MKNK1: variants seen among roughly 807,000 people sequenced by gnomAD.
MKNK1 encodes the protein MAP kinase-interacting serine/threonine-protein kinase 1.
Under a neutral mutation model 49.3 loss-of-function variants are expected in MKNK1, and 30 were observed. That is an observed-to-expected ratio of 0.61 (90% CI 0.46 to 0.83). The LOEUF (loss-of-function observed/expected upper bound fraction) is 0.83. Among genes scored for constraint, MKNK1 ranks in the 40% least tolerant of loss-of-function variants. The probability of loss-of-function intolerance (pLI) is 0.00; values close to 1 mark genes in which losing one functional copy is unlikely to be tolerated. For synonymous variants in MKNK1, 176 were observed against 201.7 expected, an observed-to-expected ratio of 0.87 and a Z score of 1.08; for missense variants, 423 against 524.7, an observed-to-expected ratio of 0.81 and a Z score of 1.89.
At chr1:46,582,262 A>T (rs1671859239) in intron 3 of MKNK1, among the ~76,000 whole-genome samples, 1 of 152,176 alleles carries the variant, frequency 6.6e-6, no homozygotes, top group Non-Finnish European at 1.5e-5. Flanking sequence ...ACCCCTGCTG[A>T]AAGTACCTTC....
intron 2 of MKNK1, chr1:46,585,845 G>A: frequency 8.6e-7 from 1 of 1,166,322 alleles, no homozygotes; most frequent in Non-Finnish European, 1.2e-6. Flanking sequence ...TAGATTTTAT[G>A]GCTTCACACA....
intron 2 of MKNK1, chr1:46,584,453 C>T (rs757865253): frequency 7.9e-5 from 12 of 151,974 alleles, no homozygotes; most frequent in Non-Finnish European, 1.3e-4. Flanking sequence ...GACTTTTAGA[C>T]CAACCTTCAA....
chr1:46,590,685 A>G (rs970530996), intron 2 of MKNK1, among the ~76,000 whole-genome samples: 1 of 152,222 alleles, frequency 6.6e-6, no homozygotes, highest in Non-Finnish European at 1.5e-5. Flanking sequence ...CCAGGCACCA[A>G]TGAGAATGCT....
At chr1:46,568,292 C>G in intron 8 of MKNK1, 151 bp downstream of exon 8, 1 of 687,162 alleles carries the variant, frequency 1.5e-6, no homozygotes, top group Admixed American at 2.7e-5. Flanking sequence ...GCAGAAACAT[C>G]ACACAGTAAG....
At chr1:46,562,540 A>G in intron 10 of MKNK1, 109 bp downstream of exon 10, 2 of 1,232,028 alleles carry the variant, frequency 1.6e-6, no homozygotes, top group Non-Finnish European at 1.1e-6. Flanking sequence ...GGGCACTATG[A>G]GCCCCCATCC....
chr1:46,594,013 G>C, intron 2 of MKNK1, 100 bp downstream of exon 2: 1 of 921,642 alleles, frequency 1.1e-6, no homozygotes, highest in Non-Finnish European at 1.7e-6. Context: ...ACTAAGTGCT[G>C]AAAACCACGG....
chr1:46,603,635 G>A (rs907962622), intron 1 of MKNK1, among the ~76,000 whole-genome samples: 2 of 152,148 alleles, frequency 1.3e-5, no homozygotes, highest in Non-Finnish European at 2.9e-5. Flanking sequence ...CCCTGAAGTT[G>A]AGCACTTCTA....
At chr1:46,581,921 C>T (rs1197583812) in intron 3 of MKNK1, among the ~76,000 whole-genome samples, 1 of 152,142 alleles carries the variant, frequency 6.6e-6, no homozygotes, top group Non-Finnish European at 1.5e-5. Flanking sequence ...ACAGCACTAG[C>T]TGCCTGACCT....
At chr1:46,576,433 TGAAAGGGGCGGAAGGAG>T in intron 5 of MKNK1, 125 bp downstream of exon 5, 1 of 664,894 alleles carries the variant, frequency 1.5e-6, no homozygotes, top group South Asian at 1.7e-5. Context: ...TCCCTAACAC[TGAAAGGGGCGGAAGGAG>T]GTACCTGCCT....
At chr1:46,591,476 G>A (rs1362370023) in intron 2 of MKNK1, among the ~76,000 whole-genome samples, 1 of 152,184 alleles carries the variant, frequency 6.6e-6, no homozygotes, top group Non-Finnish European at 1.5e-5. Flanking sequence ...CTTCAGAGCT[G>A]TCACTGCATC....
intron 2 of MKNK1, among the ~76,000 whole-genome samples, chr1:46,586,631 C>T (rs750797813): frequency 1.3e-5 from 2 of 151,244 alleles, no homozygotes; most frequent in African/African-American, 2.4e-5. Flanking sequence ...TGGGGTATGT[C>T]ACACTGGCCT....
chr1:46,562,779 T>C lies in MKNK1; in HGVS notation c.674A>G (p.Tyr225Cys), dbSNP rs1417769153. 1.2e-6 allele frequency: 2 copies of C among 1,612,372 alleles called. No homozygotes were observed. Among genetic ancestry groups the C allele is most frequent in the Non-Finnish European group, 1.7e-6 (2 of 1,179,240 alleles). ...GCTCCACAGGTCACAGCGCTTGTCG[T>C]AGAATGTGGCCTGGTCCGTGAAGAC... ...VEVFTDQATF[Y>C]DKRCDLWSLG... The change falls in exon 10 of 13, where the codon TAC (tyrosine) becomes TGC (cysteine). Residue 225 changes from tyrosine (Y) to cysteine (C), a missense_variant. Tyr to Cys is a radical substitution (Grantham distance 194, BLOSUM62 -2). Transcript: ENST00000371945.
chr1:46,595,844 C>T (rs996150206), intron 1 of MKNK1, among the ~76,000 whole-genome samples: 6 of 152,194 alleles, frequency 3.9e-5, no homozygotes, highest in Admixed American at 3.9e-4. Context: ...CTCCACCTGC[C>T]AGGCTCAAGT....
chr1:46,590,815 C>T (rs181842487), intron 2 of MKNK1, among the ~76,000 whole-genome samples: 7 of 152,358 alleles, frequency 4.6e-5, no homozygotes, highest in Admixed American at 3.3e-4. Context: ...GTATCATTTT[C>T]AGCGTGTGCT....
chr1:46,594,380 T>C (rs532185615), intron 1 of MKNK1, 100 bp from the exon 2 acceptor site: 7 of 574,306 alleles, frequency 1.2e-5, no homozygotes, highest in African/African-American at 7.5e-5. Flanking sequence ...ACCTATGAGT[T>C]ACCCCACTAA....
At chr1:46,563,973 A>G (rs1165697397) in intron 9 of MKNK1, among the ~76,000 whole-genome samples, 1 of 142,034 alleles carries the variant, frequency 7.0e-6, no homozygotes, top group Non-Finnish European at 1.5e-5. Flanking sequence ...TGAACCCAGG[A>G]GGCAGAGCTT....
Position 46,560,501 on chromosome 1 carries a change from C to T in MKNK1, c.970-224G>A, listed in dbSNP as rs182002495. On this transcript the variant is annotated intron_variant, in intron 11 of 12. Coordinates refer to ENST00000371945, the MANE Select transcript of MKNK1 (RefSeq NM_001135553.4). ...GCTTCTGCATGGAGAGCCCCTCTTT[C>T]CCTTTGCCTGGCAAAGTCCTAATCA... is the stretch of plus-strand genomic sequence containing the variant. Among the ~76,000 whole-genome samples, 278 of 152,320 alleles carry T rather than the reference C, an allele frequency of 1.8e-3. 6 individuals are homozygous for T. The highest frequency in any genetic ancestry group is 0.017 in the Admixed American group (261 of 15,306).
In MKNK1 at chr1:46,561,620, T is replaced by C. The variant is rs1359265209; in HGVS notation, c.827A>G (p.Gln276Arg). ...GTCAGGAAACTCATACTTGCCTTCC[T>C]GGATGCTTTCAAACAGCTTGTTCTA... ...VCQNKLFESI[Q>R]EGKYEFPDKD... is the part of the protein sequence containing the mutation. The change falls in exon 11 of 13, where the codon CAG (glutamine) becomes CGG (arginine). Residue 276 changes from glutamine (Q) to arginine (R), a missense_variant. Gln to Arg is a conservative substitution (Grantham distance 43). Transcript: ENST00000371945. 6.2e-7 allele frequency: 1 copy of C among 1,614,058 alleles called. No individual in the cohort carries two copies. The highest frequency in any genetic ancestry group is 8.5e-7 in the Non-Finnish European group (1 of 1,180,014).
chr1:46,593,990 TC>T (rs1673714852), intron 2 of MKNK1, 122 bp downstream of exon 2: 2 of 709,698 alleles, frequency 2.8e-6, no homozygotes, highest in African/African-American at 3.5e-5. Flanking sequence ...GCTCCGCTAT[TC>T]CTAGCTAACT....
Sources: allele counts gnomAD v4.1 joint callset (sites outside exome capture counted in the v4.1 genomes callset), GRCh38; gene constraint gnomAD v4.1.1; transcripts MANE v1.5; gene names NCBI Gene and HGNC (gene_info 2026-07-23, HGNC 2026-07-21).